Variants in PPCS observed in about 807,000 individuals in gnomAD.
The protein encoded by PPCS is phosphopantothenoylcysteine synthetase, also known as phosphopantothenate--cysteine ligase.
PPCS carries 17 observed loss-of-function variants against 24.6 expected under a neutral mutation model. The ratio of observed to expected loss-of-function variants is 0.69; its 90% CI spans 0.47 to 1.04. The LOEUF (loss-of-function observed/expected upper bound fraction) is 1.04, where lower values mean the gene tolerates loss of function less well. Ranked by LOEUF, PPCS falls within the 50% of genes least tolerant of loss-of-function variation. PPCS has a pLI of 0.00. For synonymous variants in PPCS, 190 were observed against 168.3 expected (o/e 1.13, Z -1.00); for missense variants, 360 against 402.8 (o/e 0.89, Z 0.91).
intron 2 of PPCS, among the ~76,000 whole-genome samples, chr1:42,471,236 T>C (rs1643760350): frequency 1.3e-5 from 2 of 152,160 alleles, no homozygotes; most frequent in African/African-American, 4.8e-5. Flanking sequence ...GATCCAAAGG[T>C]ATTTTCCAAT....
chr1:42,465,636 A>C (rs978034401), downstream of PPCS, among the ~76,000 whole-genome samples: 2 of 152,134 alleles, frequency 1.3e-5, no homozygotes, highest in Admixed American at 6.5e-5. Context: ...AAGTGCTGGG[A>C]TTACAAGTGT....
At chr1:42,466,004 A>G (rs1240327576), downstream of PPCS, among the ~76,000 whole-genome samples, 1 of 152,156 alleles carries the variant, frequency 6.6e-6, no homozygotes, top group Non-Finnish European at 1.5e-5. Flanking sequence ...TTACATTGCT[A>G]CAGTGTTTTC....
chr1:42,470,193 T>A (rs16829576), intron 2 of PPCS, among the ~76,000 whole-genome samples: 30,483 of 152,022 alleles, frequency 0.2, 3,334 homozygotes, highest in South Asian at 0.42. Context: ...TCTGGTAGTT[T>A]GAGAGAGGAT....
At chr1:42,468,514 A>C (rs1307455588) in intron 2 of PPCS, 1 of 152,250 alleles carries the variant, frequency 6.6e-6, no homozygotes, top group Non-Finnish European at 1.5e-5. Flanking sequence ...TAAGGAAGTC[A>C]GTCTTGTGAT....
chr1:42,456,549 CG>C lies in PPCS; in HGVS notation c.-15del. The C allele has an allele frequency of 6.9e-7, 1 of 1,452,134 alleles. No homozygotes were observed. The highest frequency in any genetic ancestry group is 1.4e-5 in the African/African-American group (1 of 69,040). The allele number at this position is 1,452,134 out of a possible 1,614,324, so 90.0% of individuals were successfully genotyped here. Reference sequence around the variant, plus strand: ...GCGGCCGCGAAACGTGCGCAGGCGCCGGCCGCTGCGCTGCAGATGGCGGAAA... The same window carrying C: ...GCGGCCGCGAAACGTGCGCAGGCGCCGCCGCTGCGCTGCAGATGGCGGAAA... On this transcript the variant is annotated 5_prime_UTR_variant, in exon 1 of 3. Coordinates refer to ENST00000372561, the MANE Select transcript of PPCS (RefSeq NM_024664.4).
At chr1:42,469,075 A>G (rs901567257) in intron 2 of PPCS, among the ~76,000 whole-genome samples, 6 of 152,132 alleles carry the variant, frequency 3.9e-5, no homozygotes, top group African/African-American at 1.4e-4. Flanking sequence ...AAGAGATCAT[A>G]TGTTAAAACA....
chr1:42,457,950 C>T (rs1170891055), intron 2 of PPCS, among the ~76,000 whole-genome samples: 4 of 129,546 alleles, frequency 3.1e-5, no homozygotes, highest in Non-Finnish European at 5.0e-5. Flanking sequence ...AGCGATACTC[C>T]GTCGCAAAAA....
chr1:42,459,517 A>T, intron 2 of PPCS, 86 bp from the exon 3 acceptor site: 2 of 1,165,962 alleles, frequency 1.7e-6, no homozygotes, highest in Non-Finnish European at 1.2e-6. Flanking sequence ...AATCCCACTT[A>T]AATTTAATTC....
At chr1:42,458,537 C>G (rs1161664433) in intron 2 of PPCS, among the ~76,000 whole-genome samples, 2 of 152,306 alleles carry the variant, frequency 1.3e-5, no homozygotes, top group East Asian at 3.9e-4. Flanking sequence ...GTTGCTTCCT[C>G]TGCAGAGGAG....
chr1:42,473,260 A>T, exon 3 of PPCS: 2 of 1,231,612 alleles, frequency 1.6e-6, no homozygotes, highest in Non-Finnish European at 2.0e-6. Context: ...GCTACCACAG[A>T]TGTAGAAGAG....
chr1:42,459,155 CTTTTT>C (rs11316113), intron 2 of PPCS: 4 of 92,734 alleles, frequency 4.3e-5, no homozygotes, highest in Non-Finnish European at 6.0e-5. Flanking sequence ...AGAGCCAAGG[CTTTTT>C]TTTTTTTTTT....
rs976969004 is a variant in PPCS, at chr1:42,460,782, T to C, written c.*856T>C. ...CCACATGCATAAAATGAGGATAATC[T>C]CTCTGCAAAGTAATGCCATTTATTG... On this transcript the variant is annotated 3_prime_UTR_variant, in exon 3 of 3. Coordinates refer to ENST00000372561, the MANE Select transcript of PPCS (RefSeq NM_024664.4). 1.3e-5 allele frequency among the ~76,000 whole-genome samples: 2 copies of C among 152,158 alleles called. No individual in the cohort carries two copies. The highest frequency in any genetic ancestry group is 2.9e-5 in the Non-Finnish European group (2 of 68,040).
upstream of PPCS, chr1:42,456,436 G>A: frequency 2.0e-6 from 2 of 986,674 alleles, no homozygotes; most frequent in Non-Finnish European, 2.9e-6. Context: ...TGGCGAGATC[G>A]GGACCTAGTG....
chr1:42,461,542 C>A (rs1457101035), downstream of PPCS, among the ~76,000 whole-genome samples: 1 of 151,038 alleles, frequency 6.6e-6, no homozygotes, highest in Non-Finnish European at 1.5e-5. Flanking sequence ...TACTATGTTA[C>A]CCAGGCTCTT....
exon 3 of PPCS, chr1:42,473,304 G>A: frequency 2.5e-6 from 3 of 1,222,752 alleles, no homozygotes; most frequent in Non-Finnish European, 3.1e-6. Context: ...AACAAAAGAA[G>A]TGAGAACTAA....
At chr1:42,462,891 G>A (rs1030354627), downstream of PPCS, among the ~76,000 whole-genome samples, 1 of 152,162 alleles carries the variant, frequency 6.6e-6, no homozygotes, top group Non-Finnish European at 1.5e-5. Flanking sequence ...CTAGTGACAC[G>A]ATCTAGGCCT....
In PPCS at chr1:42,473,313, A is replaced by G. The variant is rs1287444945; in HGVS notation, n.569A>G. Reference sequence around the variant, plus strand: ...GGGTGAAACAAAAGAAGTGAGAACTAATAGCATAGAATTTTAAAGACACCT... The same window carrying G: ...GGGTGAAACAAAAGAAGTGAGAACTGATAGCATAGAATTTTAAAGACACCT... On this transcript the variant is annotated non_coding_transcript_exon_variant, in exon 3 of 3. Transcript: ENST00000471420. The G allele has an allele frequency of 7.4e-6, 9 of 1,209,008 alleles. No homozygotes were observed. The African/African-American group carries it at 1.4e-4, about 19-fold the overall frequency. 74.9% of individuals were successfully genotyped at this position (1,209,008 alleles called of 1,614,324 possible).
downstream of PPCS, among the ~76,000 whole-genome samples, chr1:42,465,824 G>C (rs1313684647): frequency 2.0e-5 from 3 of 152,142 alleles, no homozygotes; most frequent in Non-Finnish European, 2.9e-5. Flanking sequence ...AATATGCACA[G>C]AACTGCCTCC....
downstream of PPCS, among the ~76,000 whole-genome samples, chr1:42,462,707 T>C (rs1643443576): frequency 6.6e-6 from 1 of 152,242 alleles, no homozygotes; most frequent in Non-Finnish European, 1.5e-5. Flanking sequence ...TATAAGTTTT[T>C]ATTTTGCATT....
Sources: allele counts gnomAD v4.1 joint callset (sites outside exome capture counted in the v4.1 genomes callset), GRCh38; gene constraint gnomAD v4.1.1; transcripts MANE v1.5; gene names NCBI Gene and HGNC (gene_info 2026-07-23, HGNC 2026-07-21).